Variants in PHIP observed in about 807,000 individuals in gnomAD.
PHIP encodes PHIP subunit of CUL4-Ring ligase complex.
PHIP carries 54 observed loss-of-function variants against 236.8 expected under a neutral mutation model. The observed-to-expected ratio is 0.23, with a 90% CI of 0.18 to 0.29. PHIP has a LOEUF of 0.29. PHIP is among the 10% of genes least tolerant of loss of function. The pLI, the probability that PHIP is intolerant of heterozygous loss-of-function variation, is 1.00. For synonymous variants in PHIP, 756 were observed against 718.9 expected, an observed-to-expected ratio of 1.05 and a Z score of -0.83; for missense variants, 1,370 against 2,190.8, an observed-to-expected ratio of 0.63 and a Z score of 7.48.
At chr6:79,039,483 C>T (rs1384953336) in intron 7 of PHIP, among the ~76,000 whole-genome samples, 2 of 152,100 alleles carry the variant, frequency 1.3e-5, no homozygotes, top group African/African-American at 4.8e-5. Context: ...ACCTTGTACA[C>T]CTTCTGTCAA....
intron 23 of PHIP, 102 bp downstream of exon 23, chr6:78,982,784 G>T: frequency 5.9e-6 from 4 of 675,140 alleles, no homozygotes; most frequent in South Asian, 4.7e-5. Context: ...ATTATTATTT[G>T]CTGATACACT....
intron 23 of PHIP, among the ~76,000 whole-genome samples, chr6:78,982,669 A>G (rs1304695653): frequency 6.6e-6 from 1 of 152,128 alleles, no homozygotes; most frequent in Non-Finnish European, 1.5e-5. Flanking sequence ...AGAATATGGC[A>G]ATTTTGTAAG....
chr6:79,004,950 A>G (rs989722828), intron 15 of PHIP, among the ~76,000 whole-genome samples: 2 of 152,106 alleles, frequency 1.3e-5, no homozygotes, highest in African/African-American at 2.4e-5. Flanking sequence ...TATAAAAGAA[A>G]GGACTTTACC....
intron 6 of PHIP, among the ~76,000 whole-genome samples, chr6:79,059,227 G>C (rs1773231285): frequency 6.6e-6 from 1 of 151,920 alleles, no homozygotes; most frequent in African/African-American, 2.4e-5. Flanking sequence ...AAGTCCCATA[G>C]GAAAGGAGAG....
intron 7 of PHIP, among the ~76,000 whole-genome samples, chr6:79,028,081 G>A (rs945477730): frequency 3.3e-5 from 5 of 152,084 alleles, no homozygotes; most frequent in Admixed American, 6.6e-5. Context: ...TGACTATAAA[G>A]TATGGTCAAA....
chr6:79,004,528 C>A, intron 15 of PHIP: 1 of 443,380 alleles, frequency 2.3e-6, no homozygotes, highest in Non-Finnish European at 3.0e-6. Context: ...ACTTCTTTAG[C>A]AGTGTTCTGA....
At chr6:79,055,409 A>T (rs1773018977) in intron 6 of PHIP, among the ~76,000 whole-genome samples, 1 of 152,162 alleles carries the variant, frequency 6.6e-6, no homozygotes, top group Non-Finnish European at 1.5e-5. Context: ...AAGCAAATAT[A>T]GAATAAACTA....
At chr6:79,055,680 G>A (rs541765675) in intron 6 of PHIP, among the ~76,000 whole-genome samples, 18 of 152,296 alleles carry the variant, frequency 1.2e-4, no homozygotes, top group Admixed American at 5.2e-4. Flanking sequence ...CTGAGTTCTA[G>A]TTCAATTTTC....
chr6:79,060,624 AG>A (rs1272392947), intron 5 of PHIP, 43 bp downstream of exon 5: 1 of 1,608,142 alleles, frequency 6.2e-7, no homozygotes, highest in Non-Finnish European at 8.5e-7. Flanking sequence ...CAAAAACAAA[AG>A]TGAGATAAAT....
At chr6:78,956,797 G>C (rs1766449793) in intron 32 of PHIP, 1 of 151,914 alleles carries the variant, frequency 6.6e-6, no homozygotes, top group South Asian at 2.1e-4. Context: ...CATCATCACA[G>C]CTAAAAGTAA....
At position 78,970,060 on chromosome 6, in the gene PHIP, T is replaced by G. The variant is rs770733757; in HGVS notation, c.3111A>C (p.Ser1037=). 8 of 1,613,576 alleles carry G rather than the reference T, an allele frequency of 5.0e-6. No homozygotes were observed. In the Admixed American group the frequency reaches 1.3e-4, roughly 27 times the overall value. Residue 1037 remains serine (S), a synonymous_variant, in exon 26 of 40, where the codon TCA becomes TCC. Transcript: ENST00000275034. ...TCAACAGTCCTTACTTCATGGTAAA[T>G]GATCCGCCAGTCAGTTTACCAGTAT... ...DPDTGKLTGG[S]FTMKYHDMPD...
intron 24 of PHIP, among the ~76,000 whole-genome samples, chr6:78,974,750 C>T (rs1416910949): frequency 9.9e-5 from 15 of 151,908 alleles, no homozygotes; most frequent in East Asian, 1.9e-4. Flanking sequence ...AACACTTCTA[C>T]GCAAATAAAC....
rs183899345 is a variant in PHIP at position 78,951,979 on chromosome 6, C to G, written c.4053+2835G>C. On this transcript the variant is annotated intron_variant, in intron 35 of 39. Coordinates refer to ENST00000275034, the MANE Select transcript of PHIP (RefSeq NM_017934.7). The stretch of plus-strand genomic sequence containing the variant: ...TGAGTGGCTTGGAGCAGTCTCAGGT[C>G]TCCTCCATTTTTTCTGTATGACTGT... Among the ~76,000 whole-genome samples, 883 of 152,264 alleles carry G rather than the reference C, an allele frequency of 5.8e-3. 13 individuals are homozygous for G. Among genetic ancestry groups the G allele is most frequent in the African/African-American group, 0.02 (839 of 41,542 alleles).
At chr6:79,020,515 TTAC>T (rs2127744378) in intron 9 of PHIP, among the ~76,000 whole-genome samples, 1 of 152,344 alleles carries the variant, frequency 6.6e-6, no homozygotes, top group South Asian at 2.1e-4. Flanking sequence ...ATTGCTTTCA[TTAC>T]TACCTTATGG....
chr6:78,991,489 A>G (rs761579896), intron 19 of PHIP, among the ~76,000 whole-genome samples: 1 of 152,170 alleles, frequency 6.6e-6, no homozygotes, highest in Non-Finnish European at 1.5e-5. Flanking sequence ...AACTCAAACC[A>G]TCAAGGTGAA....
chr6:79,006,512 A>G (rs926685302), intron 15 of PHIP, among the ~76,000 whole-genome samples: 2 of 152,062 alleles, frequency 1.3e-5, no homozygotes, highest in East Asian at 1.9e-4. Flanking sequence ...CACTATTTGA[A>G]TATTCACATC....
intron 35 of PHIP, among the ~76,000 whole-genome samples, chr6:78,954,396 G>A (rs764805420): frequency 4.6e-5 from 7 of 152,076 alleles, no homozygotes; most frequent in African/African-American, 7.2e-5. Flanking sequence ...ATGAGCCACC[G>A]TGCCCAGCCT....
intron 7 of PHIP, among the ~76,000 whole-genome samples, chr6:79,036,501 G>A (rs1374891717): frequency 6.6e-6 from 1 of 152,024 alleles, no homozygotes; most frequent in Non-Finnish European, 1.5e-5. Context: ...AATTTCAAAC[G>A]TACAAAAGTT....
At chr6:79,002,346 GA>G (rs1343963045) in intron 16 of PHIP, among the ~76,000 whole-genome samples, 4 of 151,974 alleles carry the variant, frequency 2.6e-5, no homozygotes, top group Non-Finnish European at 5.9e-5. Flanking sequence ...AATTTTCTCT[GA>G]AACAAGTAAG....
Sources: allele counts gnomAD v4.1 joint callset (sites outside exome capture counted in the v4.1 genomes callset), GRCh38; gene constraint gnomAD v4.1.1; transcripts MANE v1.5; gene names NCBI Gene and HGNC (gene_info 2026-07-23, HGNC 2026-07-21).